Variants in GNG4 observed in about 807,000 individuals in gnomAD.
The protein encoded by GNG4 is G protein subunit gamma 4.
Under a neutral mutation model 5.8 loss-of-function variants are expected in GNG4, and 4 were observed. The ratio of observed to expected loss-of-function variants is 0.69; its 90% CI spans 0.34 to 1.57. GNG4 has a LOEUF of 1.57. Among genes scored for constraint, GNG4 ranks in the 40% most tolerant of loss-of-function variants. The pLI is 0.06. For synonymous variants in GNG4, 29 were observed against 32.9 expected (o/e 0.88, Z 0.41); for missense variants, 96 against 95.1 (o/e 1.01, Z -0.04).
Position 235,642,592 on chromosome 1 carries a change from C to T in GNG4, c.-123+7070G>A, listed in dbSNP as rs999940540. ...CGGGTTGGCTGTGGTTTTGCAGAGGCGGGCAGGAGGGGCAGGGGGCCAGGG... is the reference window on the plus strand; with the variant it reads ...CGGGTTGGCTGTGGTTTTGCAGAGGTGGGCAGGAGGGGCAGGGGGCCAGGG... On this transcript the variant is annotated intron_variant, in intron 1 of 3. Transcript: ENST00000391854. This position sits in a 1 kb window ranked among gnomAD's most constrained non-coding sequence, Gnocchi z 4.3. Among the ~76,000 whole-genome samples the T allele has an allele frequency of 1.5e-4, 22 of 145,138 alleles. No individual in the cohort carries two copies. Among genetic ancestry groups the T allele is most frequent in the African/African-American group, 4.5e-4 (18 of 39,592 alleles).
At chr1:235,608,776 C>T (rs755897165) in intron 1 of GNG4, among the ~76,000 whole-genome samples, 4 of 151,840 alleles carry the variant, frequency 2.6e-5, no homozygotes, top group East Asian at 1.9e-4. Context: ...CTCCGCCTCC[C>T]GAGTTGAAGT....
intron 3 of GNG4, among the ~76,000 whole-genome samples, chr1:235,560,258 A>C (rs927623910): frequency 3.3e-5 from 5 of 152,196 alleles, no homozygotes; most frequent in African/African-American, 1.2e-4. Context: ...AAACAATGCG[A>C]GCATGTTAGG....
chr1:235,622,892 T>A (rs867568856), intron 1 of GNG4, among the ~76,000 whole-genome samples: 453 of 58,664 alleles, frequency 7.7e-3, no homozygotes, highest in African/African-American at 0.022. Flanking sequence ...AAAAAAAAAA[T>A]AGCCAGGCGT....
intron 1 of GNG4, among the ~76,000 whole-genome samples, chr1:235,634,880 G>A (rs376767460): frequency 1.1e-4 from 16 of 152,182 alleles, no homozygotes; most frequent in African/African-American, 3.9e-4. Context: ...GTTGCAGTGA[G>A]CCAAGATGGT....
At chr1:235,628,105 G>C (rs1423132517) in intron 1 of GNG4, among the ~76,000 whole-genome samples, 1 of 152,088 alleles carries the variant, frequency 6.6e-6, no homozygotes, top group Non-Finnish European at 1.5e-5. Context: ...GCTTGAACCC[G>C]GGAGGTGGAG....
chr1:235,619,164 T>TATATATATATACACACACAC (rs1688657916), intron 1 of GNG4, among the ~76,000 whole-genome samples: 1 of 92,600 alleles, frequency 1.1e-5, no homozygotes, highest in African/African-American at 7.6e-5. Flanking sequence ...AAAATTTATA[T>TATATATATATACACACACAC]ATATATATAT....
At chr1:235,603,576 C>G (rs1047383803) in intron 1 of GNG4, among the ~76,000 whole-genome samples, 1 of 152,210 alleles carries the variant, frequency 6.6e-6, no homozygotes, top group Admixed American at 6.5e-5. Context: ...ACTTCAACCA[C>G]TTTGCAAATT....
intron 1 of GNG4, among the ~76,000 whole-genome samples, chr1:235,612,719 C>T (rs528759505): frequency 5.9e-5 from 9 of 152,166 alleles, no homozygotes; most frequent in East Asian, 3.9e-4. Context: ...GATGGGGTTT[C>T]GCTATGTTAC....
At chr1:235,559,770 G>C (rs1558473540) in intron 3 of GNG4, among the ~76,000 whole-genome samples, 1 of 152,250 alleles carries the variant, frequency 6.6e-6, no homozygotes, top group East Asian at 1.9e-4. Flanking sequence ...GTCCATAGCA[G>C]CAGACTAGCC....
intron 1 of GNG4, among the ~76,000 whole-genome samples, chr1:235,629,020 TG>T (rs1292778432): frequency 2.0e-5 from 3 of 151,574 alleles, no homozygotes; most frequent in African/African-American, 7.3e-5. Context: ...TTTGCTTTTT[TG>T]TTTGTTTGTT....
At chr1:235,618,207 T>C (rs953390271) in intron 1 of GNG4, among the ~76,000 whole-genome samples, 2 of 152,230 alleles carry the variant, frequency 1.3e-5, no homozygotes, top group African/African-American at 2.4e-5. Flanking sequence ...TTTGGGGCAC[T>C]GCAGATGTTT....
chr1:235,579,778 G>A (rs1687578613), intron 3 of GNG4, among the ~76,000 whole-genome samples: 1 of 148,936 alleles, frequency 6.7e-6, no homozygotes, highest in Non-Finnish European at 1.5e-5. Context: ...TTGAACTCAG[G>A]AGGCAGAGGT....
At chr1:235,601,538 C>T (rs1688258877) in intron 1 of GNG4, among the ~76,000 whole-genome samples, 1 of 152,136 alleles carries the variant, frequency 6.6e-6, no homozygotes, top group Non-Finnish European at 1.5e-5. Flanking sequence ...AGCTCAGGTG[C>T]TGAGGGAGAG....
At chr1:235,574,462 G>C (rs900884279) in intron 3 of GNG4, among the ~76,000 whole-genome samples, 3 of 152,128 alleles carry the variant, frequency 2.0e-5, no homozygotes, top group Non-Finnish European at 4.4e-5. Context: ...CCCTGAAAAG[G>C]ATATGACTTT....
Position 235,586,213 on chromosome 1 carries a change from G to A in GNG4, c.-10-2365C>T, listed in dbSNP as rs1298759191. ...TCAACAACAAGGGAAGGAGAATCAC[G>A]ACAAGTTGGGAGCTTTGAAATCCAA... On this transcript the variant is annotated intron_variant, in intron 2 of 3. Transcript: ENST00000391854. Among the ~76,000 whole-genome samples, 4 of 152,156 alleles carry A rather than the reference G, an allele frequency of 2.6e-5. No individual in the cohort carries two copies. In the East Asian group the frequency reaches 7.7e-4, roughly 29 times the overall value.
At position 235,649,155 on chromosome 1, in the gene GNG4, TC is replaced by T. The variant is rs1657592924; in HGVS notation, c.-123+506del. Among the ~76,000 whole-genome samples the T allele has an allele frequency of 1.3e-5, 2 of 152,006 alleles. No individual in the cohort carries two copies. The highest frequency in any genetic ancestry group is 4.8e-5 in the African/African-American group (2 of 41,380). On this transcript the variant is annotated intron_variant, in intron 1 of 3. Coordinates refer to ENST00000391854, the MANE Select transcript of GNG4 (RefSeq NM_001098722.2). The surrounding 1 kb of genome is among the most constrained non-coding windows in gnomAD (Gnocchi z 5.7). ...GTGGCTCCAGCGTCACCCCGAGTGC[TC>T]CCGAGGCGGCGTCTGGGCTGCTGGG...
chr1:235,643,091 C>T (rs538828135), intron 1 of GNG4, among the ~76,000 whole-genome samples: 4 of 152,182 alleles, frequency 2.6e-5, no homozygotes, highest in Non-Finnish European at 5.9e-5. Flanking sequence ...TCCTGCCCCA[C>T]GCCTCCGACC....
chr1:235,599,112 T>C (rs1465745315), intron 1 of GNG4, among the ~76,000 whole-genome samples: 1 of 152,108 alleles, frequency 6.6e-6, no homozygotes, highest in African/African-American at 2.4e-5. Flanking sequence ...CTTTGGTGTG[T>C]ATGTCATGAA....
upstream of GNG4, chr1:235,650,582 C>T (rs1657661326): frequency 6.6e-6 from 1 of 152,256 alleles, no homozygotes; most frequent in African/African-American, 2.4e-5. Context: ...TCGCCACTAA[C>T]CCGGCGAAGG....
Sources: gnomAD v4.1 joint callset for allele counts (sites outside exome capture counted in the v4.1 genomes callset) on GRCh38, gnomAD v4.1.1 for gene constraint, Gnocchi (gnomAD v3.1) non-coding constraint, MANE v1.5 for transcripts, NCBI Gene and HGNC (gene_info 2026-07-23, HGNC 2026-07-21) for gene names.